Variants in ASB7 observed in about 807,000 individuals in gnomAD.
The protein encoded by ASB7 is ankyrin repeat and SOCS box protein 7.
A neutral mutation model predicts 32.5 loss-of-function variants in ASB7; 4 were observed. The observed-to-expected ratio is 0.12, with a 90% CI of 0.06 to 0.28. The LOEUF is 0.28. Among genes scored for constraint, ASB7 ranks in the 10% least tolerant of loss-of-function variants. The pLI, the probability that ASB7 is intolerant of heterozygous loss-of-function variation, is 1.00. For synonymous variants in ASB7, 172 were observed against 155.6 expected, an observed-to-expected ratio of 1.11 and a Z score of -0.78; for missense variants, 181 against 407.1, an observed-to-expected ratio of 0.44 and a Z score of 4.78.
At chr15:100,617,370 C>A (rs1003564780) in intron 4 of ASB7, among the ~76,000 whole-genome samples, 5 of 152,350 alleles carry the variant, frequency 3.3e-5, no homozygotes, top group South Asian at 4.1e-4. Flanking sequence ...TCTTACCTTT[C>A]CAGCTGCAGC....
intron 4 of ASB7, 92 bp downstream of exon 4, chr15:100,612,519 T>C: frequency 8.4e-7 from 1 of 1,197,556 alleles, no homozygotes; most frequent in Non-Finnish European, 1.2e-6. Context: ...TTAATGCTTC[T>C]CTTCTGTTAA....
rs113249058 is a variant in ASB7 at position 100,629,786 on chromosome 15, C to A, written c.561C>A (p.Ala187=). The A allele has an allele frequency of 3.1e-6, 5 of 1,614,064 alleles. No individual in the cohort carries two copies. In the Admixed American group the frequency reaches 6.7e-5, roughly 22 times the overall value. ...AGAATGGTTTCCTGTTGCGATACGC[C>A]GTGATCAAAAGCAATCACTCTTATT... ...DIQNGFLLRY[A]VIKSNHSYCR... Residue 187 remains alanine, a synonymous_variant, in exon 5 of 6, where the codon GCC becomes GCA. Coordinates refer to ENST00000332783, the MANE Select transcript of ASB7 (RefSeq NM_198243.3). The surrounding 1 kb of genome is among the most constrained non-coding windows in gnomAD (Gnocchi z 6.8).
intron 1 of ASB7, 51 bp downstream of exon 1, chr15:100,603,097 G>C (rs918070791): frequency 2.2e-4 from 87 of 398,826 alleles, no homozygotes; most frequent in Non-Finnish European, 1.9e-4. Flanking sequence ...GGGAGGGTAG[G>C]AGGGAGGAAA....
At chr15:100,612,596 A>G in intron 4 of ASB7, 169 bp downstream of exon 4, 1 of 676,108 alleles carries the variant, frequency 1.5e-6, no homozygotes, top group South Asian at 1.9e-5. Context: ...GTTTAAAACC[A>G]GATTGTTTAA....
At chr15:100,645,684 A>G (rs1044201068) in intron 5 of ASB7, 2 of 1,510,750 alleles carry the variant, frequency 1.3e-6, no homozygotes, top group African/African-American at 2.8e-5. Context: ...AACACGAAAG[A>G]ACCATCTTTA....
chr15:100,616,577 C>T (rs946019544), intron 4 of ASB7, among the ~76,000 whole-genome samples: 1 of 152,190 alleles, frequency 6.6e-6, no homozygotes, highest in African/African-American at 2.4e-5. Flanking sequence ...CTTCTTTCTT[C>T]ATTACTGTGC....
intron 4 of ASB7, among the ~76,000 whole-genome samples, chr15:100,626,631 G>T (rs1458014568): frequency 6.6e-6 from 1 of 150,642 alleles, no homozygotes; most frequent in African/African-American, 2.4e-5. Context: ...TTCTCTCTCT[G>T]TCTCTCTCTC....
At chr15:100,617,328 G>A (rs2039752136) in intron 4 of ASB7, among the ~76,000 whole-genome samples, 1 of 152,212 alleles carries the variant, frequency 6.6e-6, no homozygotes, top group Non-Finnish European at 1.5e-5. Flanking sequence ...AGTTTATAGT[G>A]TGATCCACAT....
In ASB7 at chr15:100,645,539, T is replaced by TA. The variant is rs549879990; in HGVS notation, c.818-2783dup. On this transcript the variant is annotated intron_variant, in intron 5 of 5. Transcript: ENST00000332783. Reference sequence around the variant, plus strand: ...TTTCTCTTCATGAGCAGCCACATCATAGAGAGGAGCCTTACAACTTCTTGA... The same window carrying TA: ...TTTCTCTTCATGAGCAGCCACATCATAAGAGAGGAGCCTTACAACTTCTTGA... 83 of 673,092 alleles carry TA rather than the reference T, an allele frequency of 1.2e-4. No individual in the cohort carries two copies. The East Asian group carries it at 2.4e-3, about 19-fold the overall frequency. 41.7% of individuals were successfully genotyped at this position (673,092 alleles called of 1,614,324 possible).
chr15:100,646,573 GAGAC>G (rs1411954484), intron 5 of ASB7: 16 of 375,414 alleles, frequency 4.3e-5, no homozygotes, highest in African/African-American at 3.3e-4. Context: ...AACACTTTAA[GAGAC>G]AGCAGGGATT....
chr15:100,642,927 C>T (rs1440346541), intron 5 of ASB7, among the ~76,000 whole-genome samples: 1 of 152,144 alleles, frequency 6.6e-6, no homozygotes, highest in African/African-American at 2.4e-5. Context: ...GTCCCAGCTG[C>T]CTGGAGGCTG....
chr15:100,630,296 A>G, intron 5 of ASB7: 1 of 826,902 alleles, frequency 1.2e-6, no homozygotes, highest in Non-Finnish European at 1.6e-6. Flanking sequence ...AGAGAAGGAC[A>G]GAGAGGAGAA....
chr15:100,607,509 T>C (rs973888155), intron 2 of ASB7, among the ~76,000 whole-genome samples: 6 of 152,370 alleles, frequency 3.9e-5, no homozygotes, highest in African/African-American at 1.2e-4. Context: ...ACAGGGATCA[T>C]GTGTGCATGA....
intron 4 of ASB7, among the ~76,000 whole-genome samples, chr15:100,628,384 G>A (rs2039857720): frequency 6.6e-6 from 1 of 151,856 alleles, no homozygotes; most frequent in Admixed American, 6.5e-5. Context: ...TGGAGGCTGT[G>A]TGTGTGTATG....
chr15:100,612,016 G>A (rs1366649408), intron 3 of ASB7, 150 bp from the exon 4 acceptor site: 17 of 560,276 alleles, frequency 3.0e-5, no homozygotes, highest in South Asian at 2.8e-4. Flanking sequence ...TGGGACTATA[G>A]GCTTGCACCA....
At chr15:100,646,281 C>G (rs887991682) in intron 5 of ASB7, 7 of 393,088 alleles carry the variant, frequency 1.8e-5, no homozygotes, top group Non-Finnish European at 3.6e-5. Flanking sequence ...CTTCCAAGGA[C>G]CAGATTCGAG....
At position 100,650,469 on chromosome 15, in the gene ASB7, G is replaced by A. The variant is rs62019340; in HGVS notation, c.*2007G>A. 8 of 152,182 alleles carry A rather than the reference G, an allele frequency of 5.3e-5. No individual in the cohort carries two copies. The highest frequency in any genetic ancestry group is 1.0e-4 in the Non-Finnish European group (7 of 68,074). 9.4% of individuals were successfully genotyped at this position (152,182 alleles called of 1,614,324 possible). ...ATAGGAGGAGGCAGAGGGGTGCCTGGAGTTTCTGCACTCTCATCAGTGATG... is the reference window on the plus strand; with the variant it reads ...ATAGGAGGAGGCAGAGGGGTGCCTGAAGTTTCTGCACTCTCATCAGTGATG... On this transcript the variant is annotated 3_prime_UTR_variant, in exon 6 of 6. Transcript: ENST00000332783.
chr15:100,647,192 G>A (rs1001201723), intron 5 of ASB7, among the ~76,000 whole-genome samples: 3 of 152,122 alleles, frequency 2.0e-5, no homozygotes, highest in East Asian at 3.9e-4. Context: ...AAAAGTTTCT[G>A]GGGGTTCGCA....
At chr15:100,630,295 CAG>C in intron 5 of ASB7, 1 of 833,734 alleles carries the variant, frequency 1.2e-6, no homozygotes, top group Non-Finnish European at 1.6e-6. Flanking sequence ...GAGAGAAGGA[CAG>C]AGAGGAGAAT....
Sources: gnomAD v4.1 joint callset for allele counts (sites outside exome capture counted in the v4.1 genomes callset) on GRCh38, gnomAD v4.1.1 for gene constraint, Gnocchi (gnomAD v3.1) non-coding constraint, MANE v1.5 for transcripts, NCBI Gene and HGNC (gene_info 2026-07-23, HGNC 2026-07-21) for gene names.